Variants in ANKRD39 observed in about 807,000 individuals in gnomAD.
ANKRD39 encodes the protein ankyrin repeat domain 39.
Under a neutral mutation model 20.3 loss-of-function variants are expected in ANKRD39, and 18 were observed. That is an observed-to-expected ratio of 0.89 (90% CI 0.61 to 1.32). The LOEUF (loss-of-function observed/expected upper bound fraction) is 1.32. ANKRD39 is among the 40% of genes most tolerant of loss of function. ANKRD39 has a pLI of 0.00. For missense variants in ANKRD39, 243 were observed against 250.7 expected, an observed-to-expected ratio of 0.97 and a Z score of 0.21; for synonymous variants, 106 against 111.9, an observed-to-expected ratio of 0.95 and a Z score of 0.33.
chr2:96,848,960 T>C (rs2079823849), intron 3 of ANKRD39, among the ~76,000 whole-genome samples: 1 of 152,208 alleles, frequency 6.6e-6, no homozygotes, highest in Non-Finnish European at 1.5e-5. Flanking sequence ...TTTTTCTTTC[T>C]TGTGTCCTTT....
Position 96,857,939 on chromosome 2 carries a change from T to C in ANKRD39, c.49A>G (p.Ser17Gly), listed in dbSNP as rs1477500583. 8 of 1,582,242 alleles carry C rather than the reference T, an allele frequency of 5.1e-6. No homozygotes were observed. Among genetic ancestry groups the C allele is most frequent in the Non-Finnish European group, 6.8e-6 (8 of 1,171,248 alleles). Residue 17 changes from serine (S) to glycine (G), a missense_variant, in exon 1 of 4, where the codon AGC becomes GGC. Physicochemically the swap from Ser to Gly is moderately conservative, Grantham distance 56. Coordinates refer to ENST00000393537, the MANE Select transcript of ANKRD39 (RefSeq NM_016466.6). ...CADGPCCSHP[S>G]AVLGVQQTLE... is the part of the protein sequence containing the mutation. Reference sequence around the variant, plus strand: ...GTCTGCTGTACGCCGAGCACCGCGCTGGGATGCGAGCAGCAGGGCCCGTCC... The same window carrying C: ...GTCTGCTGTACGCCGAGCACCGCGCCGGGATGCGAGCAGCAGGGCCCGTCC...
chr2:96,858,006 C>G lies in ANKRD39; in HGVS notation c.-19G>C. On this transcript the variant is annotated 5_prime_UTR_variant, in exon 1 of 4. Transcript: ENST00000393537. ...TCGCCATCCCGGCCCCGGCGTCAGT[C>G]GATCCGCCCCGGGTCTCAGGCTCAG... The G allele has an allele frequency of 6.6e-7, 1 of 1,515,536 alleles. No individual in the cohort carries two copies. Among genetic ancestry groups the G allele is most frequent in the Non-Finnish European group, 8.8e-7 (1 of 1,137,602 alleles). 93.9% of individuals were successfully genotyped at this position (1,515,536 alleles called of 1,614,324 possible). A position where few individuals can be genotyped will look rare whatever the true frequency, so the allele number is the denominator to read the frequency against.
At chr2:96,856,228 C>A (rs2079864114) in intron 1 of ANKRD39, among the ~76,000 whole-genome samples, 1 of 151,952 alleles carries the variant, frequency 6.6e-6, no homozygotes, top group Non-Finnish European at 1.5e-5. Flanking sequence ...AATCCTAGCA[C>A]TTTGGGAGGT....
intron 3 of ANKRD39, among the ~76,000 whole-genome samples, chr2:96,849,637 G>A (rs926319548): frequency 1.3e-5 from 2 of 151,920 alleles, no homozygotes; most frequent in Admixed American, 6.6e-5. Context: ...GGGACAGAGC[G>A]AGACTCCATC....
chr2:96,852,512 C>CAAA (rs1440837982), intron 3 of ANKRD39, among the ~76,000 whole-genome samples: 1 of 59,244 alleles, frequency 1.7e-5, no homozygotes, highest in African/African-American at 5.5e-5. Context: ...ACAAAAAAGA[C>CAAA]AAAAAAAAAA....
At chr2:96,857,838 C>T in intron 1 of ANKRD39, 50 bp downstream of exon 1, 1 of 1,525,110 alleles carries the variant, frequency 6.6e-7, no homozygotes, top group Non-Finnish European at 8.8e-7. Context: ...CACGCCTCCT[C>T]CTTGGGCCGG....
chr2:96,856,755 G>T (rs1032119451), intron 1 of ANKRD39, among the ~76,000 whole-genome samples: 1 of 152,172 alleles, frequency 6.6e-6, no homozygotes, highest in Non-Finnish European at 1.5e-5. Context: ...TTTAGGGAGG[G>T]TCTCTGAGGA....
chr2:96,857,467 G>A (rs560254120), intron 1 of ANKRD39, among the ~76,000 whole-genome samples: 20 of 152,204 alleles, frequency 1.3e-4, no homozygotes, highest in Non-Finnish European at 2.8e-4. Flanking sequence ...CTGGCACCCG[G>A]GGCTAAACAA....
chr2:96,851,162 GT>G (rs1275558687), intron 3 of ANKRD39, among the ~76,000 whole-genome samples: 17 of 143,492 alleles, frequency 1.2e-4, no homozygotes, highest in African/African-American at 1.8e-4. Flanking sequence ...CCTGGCTTTT[GT>G]TTTTTTTTTT....
chr2:96,853,919 G>A (rs1394321791), intron 2 of ANKRD39, among the ~76,000 whole-genome samples: 1 of 152,204 alleles, frequency 6.6e-6, no homozygotes, highest in African/African-American at 2.4e-5. Flanking sequence ...CTGAAGTCAG[G>A]AGTTCGAGAC....
Position 96,853,411 on chromosome 2 carries a change from CTG to C in ANKRD39, c.396_397del (p.Leu134AlafsTer2). On this transcript the variant is annotated frameshift_variant, in exon 3 of 4. Coordinates refer to ENST00000393537, the MANE Select transcript of ANKRD39 (RefSeq NM_016466.6). LOFTEE classifies it high-confidence loss of function. ...GGGGAACGGGCCCACCTTATGCAGA[CTG>C]GTCATGCCGTCGTCATCCACCACCC... 1 of 1,577,350 alleles carries C rather than the reference CTG, an allele frequency of 6.3e-7. No homozygotes were observed. The highest frequency in any genetic ancestry group is 1.9e-5 in the Admixed American group (1 of 54,044).
intron 1 of ANKRD39, among the ~76,000 whole-genome samples, chr2:96,857,482 C>T (rs1247314263): frequency 6.6e-6 from 1 of 152,252 alleles, no homozygotes. Flanking sequence ...AAACAAAGGC[C>T]ACTGCTCTCC....
intron 3 of ANKRD39, among the ~76,000 whole-genome samples, chr2:96,850,522 AG>A (rs2079831486): frequency 6.6e-6 from 1 of 152,042 alleles, no homozygotes; most frequent in South Asian, 2.1e-4. Flanking sequence ...AAAATTAGCC[AG>A]GCGTGGTGGT....
intron 3 of ANKRD39, among the ~76,000 whole-genome samples, chr2:96,851,952 A>T (rs1253507849): frequency 2.0e-5 from 3 of 152,116 alleles, no homozygotes; most frequent in Non-Finnish European, 4.4e-5. Context: ...GCACTTTGGG[A>T]GGATTGCTTG....
At chr2:96,850,403 G>A (rs1365672039) in intron 3 of ANKRD39, among the ~76,000 whole-genome samples, 7 of 152,166 alleles carry the variant, frequency 4.6e-5, no homozygotes, top group African/African-American at 9.7e-5. Flanking sequence ...GGTGGCTCAC[G>A]CCTGTAATCC....
At chr2:96,853,684 C>T in intron 2 of ANKRD39, 80 bp from the exon 3 acceptor site, 6 of 1,401,972 alleles carry the variant, frequency 4.3e-6, no homozygotes, top group Non-Finnish European at 5.9e-6. Flanking sequence ...AGCATGGCCT[C>T]CCTGCAGCGA....
In ANKRD39 at chr2:96,858,012, GC is replaced by G; in HGVS notation, c.-26del. On this transcript the variant is annotated 5_prime_UTR_variant, in exon 1 of 4. Coordinates refer to ENST00000393537, the MANE Select transcript of ANKRD39 (RefSeq NM_016466.6). ...TCCCGGCCCCGGCGTCAGTCGATCC[GC>G]CCCGGGTCTCAGGCTCAGCCTCGGC... 6.6e-7 allele frequency: 1 copy of G among 1,508,292 alleles called. No homozygotes were observed. The highest frequency in any genetic ancestry group is 2.6e-5 in the East Asian group (1 of 38,184). 93.4% of individuals were successfully genotyped at this position (1,508,292 alleles called of 1,614,324 possible).
intron 3 of ANKRD39, among the ~76,000 whole-genome samples, chr2:96,851,853 A>G (rs967440377): frequency 6.6e-6 from 1 of 152,138 alleles, no homozygotes; most frequent in Non-Finnish European, 1.5e-5. Context: ...GACAGGGGCT[A>G]ACTTGTTAAA....
intron 3 of ANKRD39, among the ~76,000 whole-genome samples, chr2:96,851,740 CTAGGGAT>C (rs1049622717): frequency 3.9e-5 from 6 of 152,074 alleles, no homozygotes; most frequent in African/African-American, 1.4e-4. Flanking sequence ...CTCACCATGT[CTAGGGAT>C]CAGGAAAGGC....
Sources: gnomAD v4.1 joint callset for allele counts (sites outside exome capture counted in the v4.1 genomes callset) on GRCh38, gnomAD v4.1.1 for gene constraint, MANE v1.5 for transcripts, NCBI Gene and HGNC (gene_info 2026-07-23, HGNC 2026-07-21) for gene names.